The following NEGR1 variants were observed in gnomAD, a reference collection of about 807,000 sequenced individuals.
The protein encoded by NEGR1 is neuronal growth regulator 1.
Under a neutral mutation model 40.9 loss-of-function variants are expected in NEGR1, and 10 were observed. The ratio of observed to expected loss-of-function variants is 0.24; its 90% CI spans 0.15 to 0.42. The LOEUF is 0.42. Among genes scored for constraint, NEGR1 ranks in the 10% least tolerant of loss-of-function variants. The pLI, the probability that NEGR1 is intolerant of heterozygous loss-of-function variation, is 1.00. For synonymous variants in NEGR1, 185 were observed against 166.8 expected (o/e 1.11, Z -0.84); for missense variants, 352 against 438.9 (o/e 0.80, Z 1.77).
At chr1:72,231,463 G>A (rs1337240181) in intron 1 of NEGR1, among the ~76,000 whole-genome samples, 3 of 152,122 alleles carry the variant, frequency 2.0e-5, no homozygotes, top group Admixed American at 1.3e-4. Flanking sequence ...GACAATGATA[G>A]TACCTATCTC....
In NEGR1 at chr1:71,650,133, A is replaced by T. The variant is rs369294644; in HGVS notation, c.668-38987T>A. 2.6e-5 allele frequency among the ~76,000 whole-genome samples: 4 copies of T among 152,286 alleles called. No individual in the cohort carries two copies. In the East Asian group the frequency reaches 7.7e-4, roughly 29 times the overall value. On this transcript the variant is annotated intron_variant, in intron 4 of 6. Coordinates refer to ENST00000357731, the MANE Select transcript of NEGR1 (RefSeq NM_173808.3). The stretch of plus-strand genomic sequence containing the variant: ...ATGTATCTTCAAATAAAAAGAAATG[A>T]AAAGATGAACTGCAGAAAAGCCTCG...
chr1:72,231,690 G>T (rs1654370499), intron 1 of NEGR1, among the ~76,000 whole-genome samples: 2 of 152,128 alleles, frequency 1.3e-5, no homozygotes, highest in Admixed American at 1.3e-4. Flanking sequence ...TAATTTGTGA[G>T]GTTCTCTATA....
intron 6 of NEGR1, among the ~76,000 whole-genome samples, chr1:71,560,939 C>T (rs1177587703): frequency 6.6e-6 from 1 of 151,566 alleles, no homozygotes; most frequent in African/African-American, 2.4e-5. Flanking sequence ...GGGTTTGAAT[C>T]AGGCTCCACT....
At chr1:71,842,954 T>C (rs993212924) in intron 2 of NEGR1, among the ~76,000 whole-genome samples, 1 of 152,198 alleles carries the variant, frequency 6.6e-6, no homozygotes, top group African/African-American at 2.4e-5. Flanking sequence ...TATAACACTT[T>C]CCCATATTCA....
chr1:71,470,160 A>G (rs564751246), intron 6 of NEGR1, among the ~76,000 whole-genome samples: 2 of 152,172 alleles, frequency 1.3e-5, no homozygotes, highest in African/African-American at 4.8e-5. Flanking sequence ...TGTAGGGTCT[A>G]TATACTCAGA....
chr1:71,448,156 A>G (rs1018509984), intron 6 of NEGR1, among the ~76,000 whole-genome samples: 2 of 152,028 alleles, frequency 1.3e-5, no homozygotes, highest in African/African-American at 2.4e-5. Context: ...ACCTTTGGTC[A>G]GTGTTAAAAG....
At chr1:72,127,969 A>T (rs993247947) in intron 1 of NEGR1, among the ~76,000 whole-genome samples, 1 of 152,190 alleles carries the variant, frequency 6.6e-6, no homozygotes, top group African/African-American at 2.4e-5. Flanking sequence ...GGAAGAAAGA[A>T]GATATGAGAA....
At chr1:72,233,684 C>T (rs1036526633) in intron 1 of NEGR1, among the ~76,000 whole-genome samples, 2 of 152,066 alleles carry the variant, frequency 1.3e-5, no homozygotes, top group South Asian at 2.1e-4. Context: ...TTTCTATATC[C>T]AATCCATTAT....
chr1:72,207,975 A>C (rs1653470888), intron 1 of NEGR1, among the ~76,000 whole-genome samples: 1 of 151,790 alleles, frequency 6.6e-6, no homozygotes, highest in South Asian at 2.1e-4. Context: ...CAAGGCAATC[A>C]AAAGAAAGTG....
chr1:71,636,116 G>C (rs1218435776), intron 4 of NEGR1, among the ~76,000 whole-genome samples: 5 of 151,996 alleles, frequency 3.3e-5, no homozygotes, highest in Admixed American at 3.3e-4. Flanking sequence ...GCAATCCTAA[G>C]AGTGGTATTG....
chr1:72,125,713 C>A (rs1649989807), intron 1 of NEGR1, among the ~76,000 whole-genome samples: 1 of 152,058 alleles, frequency 6.6e-6, no homozygotes, highest in South Asian at 2.1e-4. Context: ...ATAATAAAGA[C>A]TATGTTAATT....
At chr1:71,429,648 A>G (rs917385420) in intron 6 of NEGR1, among the ~76,000 whole-genome samples, 8 of 152,194 alleles carry the variant, frequency 5.3e-5, no homozygotes, top group Admixed American at 2.6e-4. Flanking sequence ...GCAGCCAGAC[A>G]AACAGTGGCA....
intron 6 of NEGR1, among the ~76,000 whole-genome samples, chr1:71,581,295 A>G (rs1331451796): frequency 6.6e-6 from 1 of 152,122 alleles, no homozygotes; most frequent in Non-Finnish European, 1.5e-5. Flanking sequence ...CATTGTCGAG[A>G]CTTAAGAAAA....
At chr1:71,790,725 A>T (rs1444573415) in intron 2 of NEGR1, among the ~76,000 whole-genome samples, 1 of 152,168 alleles carries the variant, frequency 6.6e-6, no homozygotes, top group Admixed American at 6.6e-5. Flanking sequence ...ATGGAAGACC[A>T]GTGGGATTAG....
chr1:72,218,897 C>T (rs1304754669), intron 1 of NEGR1, among the ~76,000 whole-genome samples: 1 of 152,042 alleles, frequency 6.6e-6, no homozygotes, highest in Non-Finnish European at 1.5e-5. Flanking sequence ...GAAAAGGTTG[C>T]TGTTTGCAGA....
intron 2 of NEGR1, among the ~76,000 whole-genome samples, chr1:71,829,711 A>G (rs1379222776): frequency 6.6e-6 from 1 of 151,960 alleles, no homozygotes; most frequent in Non-Finnish European, 1.5e-5. Context: ...AAAATATAAT[A>G]CAACAACACA....
At chr1:72,182,269 G>A (rs139275611) in intron 1 of NEGR1, among the ~76,000 whole-genome samples, 56 of 152,202 alleles carry the variant, frequency 3.7e-4, no homozygotes, top group African/African-American at 1.2e-3. Context: ...CGAGGCAGGC[G>A]GGTCACTTGA....
intron 3 of NEGR1, among the ~76,000 whole-genome samples, chr1:71,699,161 T>C (rs929444348): frequency 6.6e-6 from 1 of 151,986 alleles, no homozygotes; most frequent in African/African-American, 2.4e-5. Context: ...TTCTATCTTG[T>C]CAAAACCACT....
At chr1:71,849,046 G>A (rs1330999712) in intron 2 of NEGR1, among the ~76,000 whole-genome samples, 1 of 151,500 alleles carries the variant, frequency 6.6e-6, no homozygotes, top group Non-Finnish European at 1.5e-5. Flanking sequence ...CCGAGATTGT[G>A]CCACGGCACT....
Sources: gnomAD v4.1 joint callset for allele counts (sites outside exome capture counted in the v4.1 genomes callset) on GRCh38, gnomAD v4.1.1 for gene constraint, MANE v1.5 for transcripts, NCBI Gene and HGNC (gene_info 2026-07-23, HGNC 2026-07-21) for gene names.